Variants in INPP4B observed in about 807,000 individuals in gnomAD.
INPP4B encodes inositol polyphosphate-4-phosphatase type II B.
INPP4B carries 55 observed loss-of-function variants against 122.5 expected under a neutral mutation model. The ratio of observed to expected loss-of-function variants is 0.45; its 90% confidence interval spans 0.36 to 0.56. INPP4B has a LOEUF of 0.56. Ranked by LOEUF, INPP4B falls within the 20% of genes least tolerant of loss-of-function variation. The pLI, the probability that INPP4B is intolerant of heterozygous loss-of-function variation, is 0.00. For missense variants in INPP4B, 1,000 were observed against 1,097.7 expected (o/e 0.91, Z 1.26); for synonymous variants, 403 against 388.7 (o/e 1.04, Z -0.43).
At chr4:142,740,654 T>C (rs971755800) in intron 1 of INPP4B, among the ~76,000 whole-genome samples, 13 of 151,888 alleles carry the variant, frequency 8.6e-5, no homozygotes, top group African/African-American at 2.9e-4. Context: ...TGTTGGAGTT[T>C]ACAACACTCA....
At chr4:142,064,491 T>G (rs1187563831) in intron 25 of INPP4B, among the ~76,000 whole-genome samples, 2 of 152,170 alleles carry the variant, frequency 1.3e-5, no homozygotes, top group African/African-American at 4.8e-5. Context: ...CTTGAACATA[T>G]GCATATGAGA....
At chr4:142,437,403 A>G (rs1483595826) in intron 3 of INPP4B, among the ~76,000 whole-genome samples, 11 of 152,120 alleles carry the variant, frequency 7.2e-5, no homozygotes, top group Non-Finnish European at 1.0e-4. Context: ...CAAGAAATAC[A>G]AAGAACCGCA....
At chr4:142,621,563 G>GTT (rs1261733098) in intron 2 of INPP4B, among the ~76,000 whole-genome samples, 4 of 151,912 alleles carry the variant, frequency 2.6e-5, no homozygotes, top group African/African-American at 9.7e-5. Context: ...GGACATGATT[G>GTT]TAAGAGTTAC....
In INPP4B at chr4:142,634,094, C is replaced by T. The variant is rs552099763; in HGVS notation, c.-191+91745G>A. Reference sequence around the variant, plus strand: ...GGGAGATATTAGAAACACTTTAATGCAGATAAATTCAGCAACTTAAGAGAA... The same window carrying T: ...GGGAGATATTAGAAACACTTTAATGTAGATAAATTCAGCAACTTAAGAGAA... On this transcript the variant is annotated intron_variant, in intron 2 of 25. Coordinates refer to ENST00000262992, the MANE Select transcript of INPP4B (RefSeq NM_001101669.3). Among the ~76,000 whole-genome samples the T allele has an allele frequency of 1.3e-4, 20 of 152,144 alleles. No homozygotes were observed. In the South Asian group the frequency reaches 3.3e-3, roughly 25 times the overall value.
chr4:142,066,683 C>T (rs1427990831), intron 25 of INPP4B, among the ~76,000 whole-genome samples: 4 of 152,232 alleles, frequency 2.6e-5, no homozygotes, highest in Non-Finnish European at 5.9e-5. Flanking sequence ...ATATCCCGTG[C>T]ATGGCTCCGA....
intron 7 of INPP4B, among the ~76,000 whole-genome samples, chr4:142,321,513 T>A (rs1770004611): frequency 6.6e-6 from 1 of 152,192 alleles, no homozygotes; most frequent in South Asian, 2.1e-4. Flanking sequence ...TAAGTCAATG[T>A]CGAGAAGGGT....
At chr4:142,789,836 T>C (rs1439460885) in intron 1 of INPP4B, among the ~76,000 whole-genome samples, 2 of 151,966 alleles carry the variant, frequency 1.3e-5, no homozygotes, top group Non-Finnish European at 2.9e-5. Flanking sequence ...TTTCTAACTA[T>C]ACTAAAAGGC....
At chr4:142,668,893 C>G (rs1477153590) in intron 2 of INPP4B, among the ~76,000 whole-genome samples, 1 of 137,648 alleles carries the variant, frequency 7.3e-6, no homozygotes, top group Non-Finnish European at 1.6e-5. Context: ...CTAGAAAATA[C>G]AAAAAAAAAA....
At chr4:142,311,547 C>G (rs1765519447) in intron 8 of INPP4B, among the ~76,000 whole-genome samples, 1 of 152,070 alleles carries the variant, frequency 6.6e-6, no homozygotes, top group South Asian at 2.1e-4. Context: ...AGCTTCCAAG[C>G]ACAAAGCCAG....
chr4:142,288,272 G>C (rs1754758603), intron 9 of INPP4B, among the ~76,000 whole-genome samples: 1 of 152,182 alleles, frequency 6.6e-6, no homozygotes, highest in African/African-American at 2.4e-5. Context: ...TAAATCTCTA[G>C]AAATTTTTAT....
chr4:142,750,348 T>C (rs1769489924), intron 1 of INPP4B, among the ~76,000 whole-genome samples: 1 of 152,138 alleles, frequency 6.6e-6, no homozygotes, highest in East Asian at 1.9e-4. Context: ...TGTAATCATG[T>C]GTACAGCACC....
chr4:142,668,779 T>C (rs1212581251), intron 2 of INPP4B, among the ~76,000 whole-genome samples: 1 of 152,154 alleles, frequency 6.6e-6, no homozygotes, highest in African/African-American at 2.4e-5. Flanking sequence ...CTGGGCGTGG[T>C]GGCTCATGCC....
intron 2 of INPP4B, among the ~76,000 whole-genome samples, chr4:142,552,491 C>T (rs1244072757): frequency 6.6e-6 from 1 of 151,282 alleles, no homozygotes; most frequent in African/African-American, 2.4e-5. Context: ...CCTATCTGAG[C>T]ACATGCTTAG....
chr4:142,473,484 C>T (rs1819255383), intron 2 of INPP4B: 2 of 152,604 alleles, frequency 1.3e-5, no homozygotes, highest in African/African-American at 2.4e-5. Context: ...CACTCCACGG[C>T]CCCCCACCAT....
At chr4:142,607,835 G>A (rs1231340616) in intron 2 of INPP4B, among the ~76,000 whole-genome samples, 1 of 152,090 alleles carries the variant, frequency 6.6e-6, no homozygotes, top group Non-Finnish European at 1.5e-5. Flanking sequence ...TAGGGATGAA[G>A]AAAAGACAAG....
intron 5 of INPP4B, among the ~76,000 whole-genome samples, chr4:142,407,842 C>T (rs1803761005): frequency 6.6e-6 from 1 of 152,080 alleles, no homozygotes; most frequent in Non-Finnish European, 1.5e-5. Context: ...CTACCTACCT[C>T]TCAGGGTGGA....
At chr4:142,456,782 T>C (rs1464862009) in intron 3 of INPP4B, among the ~76,000 whole-genome samples, 1 of 152,072 alleles carries the variant, frequency 6.6e-6, no homozygotes, top group Non-Finnish European at 1.5e-5. Context: ...GATCTATAGA[T>C]GATTGAATAT....
chr4:142,347,077 T>C (rs74809918), intron 7 of INPP4B, among the ~76,000 whole-genome samples: 4,033 of 152,188 alleles, frequency 0.027, 143 homozygotes, highest in East Asian at 0.069. Context: ...TGTGTTGGGA[T>C]GCCTAGATAA....
chr4:142,407,815 T>C (rs887840998), intron 5 of INPP4B, among the ~76,000 whole-genome samples: 1 of 152,160 alleles, frequency 6.6e-6, no homozygotes, highest in Non-Finnish European at 1.5e-5. Context: ...ACTCTGACAC[T>C]TAATTGCCTC....
Sources: gnomAD v4.1 joint callset for allele counts (sites outside exome capture counted in the v4.1 genomes callset) on GRCh38, gnomAD v4.1.1 for gene constraint, MANE v1.5 for transcripts, NCBI Gene and HGNC (gene_info 2026-07-23, HGNC 2026-07-21) for gene names.